WDR62: variants seen among roughly 807,000 people sequenced by gnomAD.
The protein encoded by WDR62 is WD repeat-containing protein 62.
WDR62 carries 112 observed loss-of-function variants against 160.6 expected under a neutral mutation model. That is an observed-to-expected ratio of 0.70 (90% CI 0.60 to 0.82). The LOEUF is 0.82. Ranked by LOEUF, WDR62 falls within the 40% of genes least tolerant of loss-of-function variation. WDR62 has a pLI of 0.00. For missense variants in WDR62, 1,819 were observed against 1,983.8 expected, an observed-to-expected ratio of 0.92 and a Z score of 1.58; for synonymous variants, 792 against 815.1, an observed-to-expected ratio of 0.97 and a Z score of 0.48.
intron 16 of WDR62, among the ~76,000 whole-genome samples, chr19:36,090,932 C>T (rs1972562201): frequency 6.6e-6 from 1 of 152,246 alleles, no homozygotes; most frequent in Non-Finnish European, 1.5e-5. Context: ...AGCATCATCT[C>T]TTGAAATGCA....
rs1327462015 is a variant in WDR62 at position 36,104,589 on chromosome 19, C to G, written c.4225C>G (p.Pro1409Ala). 1.9e-6 allele frequency: 3 copies of G among 1,613,920 alleles called. No individual in the cohort carries two copies. Among genetic ancestry groups the G allele is most frequent in the African/African-American group, 1.3e-5 (1 of 74,910 alleles). ...EPWVPVEALP[P>A]SPLELSRVGN... is the part of the protein sequence containing the mutation. ...CTGGGTGCCGGTTGAAGCCCTGCCC[C>G]CATCTCCCCTTGAGCTGAGCAGGGT... The change falls in exon 31 of 32, where the codon CCA (proline) becomes GCA (alanine). Residue 1409 changes from proline to alanine, a missense_variant. Coordinates refer to ENST00000401500, the MANE Select transcript of WDR62 (RefSeq NM_001083961.2).
chr19:36,092,553 G>A (rs754935289), intron 18 of WDR62, 136 bp from the exon 19 acceptor site: 3 of 1,256,212 alleles, frequency 2.4e-6, no homozygotes, highest in Non-Finnish European at 3.4e-6. Flanking sequence ...GCACTAAGCG[G>A]ATAGGGGTGT....
chr19:36,099,299 T>C (rs1187731932), intron 21 of WDR62, 100 bp from the exon 22 acceptor site: 5 of 919,304 alleles, frequency 5.4e-6, no homozygotes, highest in African/African-American at 4.9e-5. Context: ...TGAATGGTAT[T>C]GAAAGCCAAG....
Position 36,103,673 on chromosome 19 carries a change from A to T in WDR62, c.3845A>T (p.Glu1282Val). Reference sequence around the variant, plus strand: ...CCCAGTTTGGACAGTGAGGGCCAAGAGCCTGCCCTGCGTTCCTGGGGCAAC... The same window carrying T: ...CCCAGTTTGGACAGTGAGGGCCAAGTGCCTGCCCTGCGTTCCTGGGGCAAC... ...TTPSLDSEGQ[E>V]PALRSWGNHE... is the part of the protein sequence containing the mutation. Residue 1282 changes from glutamate (E) to valine (V), a missense_variant, in exon 30 of 32, where the codon GAG (glutamate) becomes GTG (valine). Around this residue, in one of 3 missense-constraint regions of WDR62, gnomAD observed 770 missense variants for 734.2 expected, o/e 1.05. Coordinates refer to ENST00000401500, the MANE Select transcript of WDR62 (RefSeq NM_001083961.2). 6.2e-7 allele frequency: 1 copy of T among 1,610,280 alleles called. No homozygotes were observed. The highest frequency in any genetic ancestry group is 1.3e-5 in the African/African-American group (1 of 74,996).
At position 36,105,093 on chromosome 19, in the gene WDR62, T is replaced by C; in HGVS notation, c.*65T>C. 6.5e-7 allele frequency: 1 copy of C among 1,538,280 alleles called. No homozygotes were observed. Among genetic ancestry groups the C allele is most frequent in the Middle Eastern group, 2.3e-4 (1 of 4,346 alleles). The stretch of plus-strand genomic sequence containing the variant: ...ACTTAGGTATTTTAAGCGAATAAAC[T>C]GACAGCTTTGAGGAATGGTTCCTGG... On this transcript the variant is annotated 3_prime_UTR_variant, in exon 32 of 32. Coordinates refer to ENST00000401500, the MANE Select transcript of WDR62 (RefSeq NM_001083961.2).
intron 15 of WDR62, 125 bp from the exon 16 acceptor site, chr19:36,090,320 A>T: frequency 1.2e-6 from 1 of 852,486 alleles, no homozygotes. Context: ...GTTTCAGTCT[A>T]GGCATCAGAT....
chr19:36,064,535 T>A (rs972567518), intron 3 of WDR62, among the ~76,000 whole-genome samples: 1 of 152,050 alleles, frequency 6.6e-6, no homozygotes, highest in African/African-American at 2.4e-5. Flanking sequence ...CACCTCAGCC[T>A]CCCAAAGTGC....
chr19:36,086,376 C>T (rs1972231230), intron 12 of WDR62, among the ~76,000 whole-genome samples: 1 of 152,138 alleles, frequency 6.6e-6, no homozygotes, highest in Non-Finnish European at 1.5e-5. Flanking sequence ...AGCACAGACC[C>T]AGCAGGCAAG....
chr19:36,068,996 C>T (rs1179131782), intron 7 of WDR62, among the ~76,000 whole-genome samples: 2 of 151,050 alleles, frequency 1.3e-5, no homozygotes, highest in African/African-American at 4.9e-5. Context: ...ACCCCCACCT[C>T]CCTCCCTGAC....
intron 31 of WDR62, 37 bp from the exon 32 acceptor site, chr19:36,104,731 C>A: frequency 6.2e-7 from 1 of 1,613,870 alleles, no homozygotes; most frequent in South Asian, 1.1e-5. Context: ...GACCGCCCGG[C>A]CTTGGTGGCC....
At chr19:36,086,149 T>C (rs1466938700) in intron 12 of WDR62, among the ~76,000 whole-genome samples, 1 of 152,036 alleles carries the variant, frequency 6.6e-6, no homozygotes, top group Non-Finnish European at 1.5e-5. Context: ...TTGAAACATA[T>C]CTTCACTCGG....
At chr19:36,105,134 A>G (rs1032936434), downstream of WDR62, 12 of 1,422,822 alleles carry the variant, frequency 8.4e-6, no homozygotes, top group African/African-American at 1.4e-4. Flanking sequence ...GTTTGGGCCT[A>G]TCCACAAAGC....
At chr19:36,103,297 C>T in intron 29 of WDR62, 46 bp from the exon 30 acceptor site, 1 of 1,612,706 alleles carries the variant, frequency 6.2e-7, no homozygotes, top group South Asian at 1.1e-5. Context: ...GGGCCCTAGC[C>T]ATCAGTTCTG....
chr19:36,099,651 C>G, intron 22 of WDR62, 34 bp downstream of exon 22: 1 of 1,609,652 alleles, frequency 6.2e-7, no homozygotes, highest in Non-Finnish European at 8.5e-7. Flanking sequence ...GCCCATAGCC[C>G]CGGCACCGTG....
chr19:36,058,637 G>A (rs566220751), intron 1 of WDR62, 143 bp from the exon 2 acceptor site: 151 of 708,510 alleles, frequency 2.1e-4, no homozygotes, highest in South Asian at 2.1e-3. Flanking sequence ...GAGAGAACAA[G>A]TGTTAGCTGC....
intron 11 of WDR62, among the ~76,000 whole-genome samples, chr19:36,084,165 A>G (rs1039620704): frequency 3.9e-5 from 6 of 152,194 alleles, no homozygotes; most frequent in African/African-American, 1.2e-4. Context: ...GAGTAAGATC[A>G]CACGGGTAGA....
intron 9 of WDR62, among the ~76,000 whole-genome samples, chr19:36,076,965 ATG>A (rs923380542): frequency 5.9e-5 from 9 of 151,692 alleles, no homozygotes; most frequent in Non-Finnish European, 1.0e-4. Context: ...GTATATATGT[ATG>A]TGTGTGTGTG....
At chr19:36,060,071 G>A (rs1247361742) in intron 3 of WDR62, 41 bp downstream of exon 3, 3 of 1,597,952 alleles carry the variant, frequency 1.9e-6, no homozygotes, top group Admixed American at 3.3e-5. Context: ...TGGAACCAGG[G>A]GCTTGGCACG....
At chr19:36,064,167 A>G (rs1011186001) in intron 3 of WDR62, among the ~76,000 whole-genome samples, 1 of 152,224 alleles carries the variant, frequency 6.6e-6, no homozygotes, top group Non-Finnish European at 1.5e-5. Flanking sequence ...TACGGGCAAC[A>G]GAAACCCCTC....
Sources: gnomAD v4.1 joint callset for allele counts (sites outside exome capture counted in the v4.1 genomes callset) on GRCh38, gnomAD v4.1.1 for gene constraint, gnomAD v4.1.1 regional missense constraint, MANE v1.5 for transcripts, NCBI Gene and HGNC (gene_info 2026-07-23, HGNC 2026-07-21) for gene names.